The following SDCCAG8 variants were observed in gnomAD, a reference collection of about 807,000 sequenced individuals.
SDCCAG8 encodes SHH signaling and ciliogenesis regulator SDCCAG8.
A neutral mutation model predicts 101.8 loss-of-function variants in SDCCAG8; 74 were observed. The observed-to-expected ratio is 0.73, with a 90% CI of 0.60 to 0.88. The LOEUF (loss-of-function observed/expected upper bound fraction) is 0.88. SDCCAG8 is among the 40% of genes least tolerant of loss of function. The pLI is 0.00. For missense variants in SDCCAG8, 787 were observed against 822.6 expected, an observed-to-expected ratio of 0.96 and a Z score of 0.53; for synonymous variants, 281 against 292.9, an observed-to-expected ratio of 0.96 and a Z score of 0.41.
At chr1:243,339,920 T>G (rs965687361) in intron 10 of SDCCAG8, among the ~76,000 whole-genome samples, 1 of 152,246 alleles carries the variant, frequency 6.6e-6, no homozygotes, top group African/African-American at 2.4e-5. Context: ...CTATATGTTC[T>G]GCTGCTTCTA....
intron 7 of SDCCAG8, 99 bp downstream of exon 7, chr1:243,304,876 C>A: frequency 2.5e-6 from 2 of 791,330 alleles, no homozygotes; most frequent in East Asian, 2.6e-5. Flanking sequence ...CATTATCAGA[C>A]TTACTTGATG....
intron 16 of SDCCAG8, among the ~76,000 whole-genome samples, chr1:243,453,241 A>G (rs1463974873): frequency 6.6e-6 from 1 of 152,146 alleles, no homozygotes; most frequent in Non-Finnish European, 1.5e-5. Flanking sequence ...TCAGGTGGGC[A>G]TCTGTCTCCA....
At chr1:243,450,434 G>A (rs553413237) in intron 16 of SDCCAG8, among the ~76,000 whole-genome samples, 28 of 152,190 alleles carry the variant, frequency 1.8e-4, no homozygotes, top group Middle Eastern at 3.4e-3. Context: ...GAAAACCAGC[G>A]AAAAATACAA....
At chr1:243,484,501 C>T (rs1043426091) in intron 16 of SDCCAG8, among the ~76,000 whole-genome samples, 3 of 152,190 alleles carry the variant, frequency 2.0e-5, no homozygotes, top group Non-Finnish European at 4.4e-5. Flanking sequence ...GCTAAATAAA[C>T]AGTAAGTCTA....
chr1:243,319,526 A>G (rs1388540668), intron 9 of SDCCAG8, among the ~76,000 whole-genome samples: 1 of 152,046 alleles, frequency 6.6e-6, no homozygotes, highest in East Asian at 1.9e-4. Context: ...GGCATGCGCC[A>G]CCATGCCTGG....
chr1:243,487,352 C>T (rs1451126734), intron 16 of SDCCAG8, among the ~76,000 whole-genome samples: 3 of 152,254 alleles, frequency 2.0e-5, no homozygotes, highest in Non-Finnish European at 2.9e-5. Flanking sequence ...GCCTCAGCCC[C>T]AGCGTGATGG....
intron 16 of SDCCAG8, among the ~76,000 whole-genome samples, chr1:243,486,156 G>A (rs367927996): frequency 4.1e-5 from 5 of 122,358 alleles, no homozygotes; most frequent in Admixed American, 1.2e-4. Context: ...AGCCGAGATC[G>A]CACCATTGTA....
chr1:243,393,829 A>G (rs2078875529), intron 13 of SDCCAG8, among the ~76,000 whole-genome samples: 1 of 152,208 alleles, frequency 6.6e-6, no homozygotes, highest in Non-Finnish European at 1.5e-5. Context: ...CAACCATGTG[A>G]TACAGGCATT....
intron 16 of SDCCAG8, among the ~76,000 whole-genome samples, chr1:243,472,479 C>T (rs1661459188): frequency 6.6e-6 from 1 of 152,178 alleles, no homozygotes; most frequent in African/African-American, 2.4e-5. Flanking sequence ...TCCTTTCTCA[C>T]AGGCAATGAC....
intron 13 of SDCCAG8, among the ~76,000 whole-genome samples, chr1:243,388,866 T>C (rs2078501073): frequency 6.9e-6 from 1 of 145,724 alleles, no homozygotes; most frequent in Admixed American, 6.8e-5. Flanking sequence ...TACATGGTGG[T>C]GCATGCCTGA....
rs748705341 is a variant in SDCCAG8 at position 243,499,812 on chromosome 1, G to T, written c.*27G>T. On this transcript the variant is annotated 3_prime_UTR_variant, in exon 18 of 18. Coordinates refer to ENST00000366541, the MANE Select transcript of SDCCAG8 (RefSeq NM_006642.5). The stretch of plus-strand genomic sequence containing the variant: ...CTGGATGGAACAGAGTGAAATAAAT[G>T]ATTTACAAAGAGATATTTACATTCA... 1 of 1,605,292 alleles carries T rather than the reference G, an allele frequency of 6.2e-7. No individual in the cohort carries two copies. The highest frequency in any genetic ancestry group is 8.5e-7 in the Non-Finnish European group (1 of 1,172,794).
chr1:243,352,992 T>G lies in SDCCAG8; in HGVS notation c.1473+8661T>G, dbSNP rs1252689302. Among the ~76,000 whole-genome samples the G allele has an allele frequency of 2.0e-5, 3 of 152,222 alleles. No homozygotes were observed. In the East Asian group the frequency reaches 5.8e-4, roughly 29 times the overall value. On this transcript the variant is annotated intron_variant, in intron 12 of 17. Coordinates refer to ENST00000366541, the MANE Select transcript of SDCCAG8 (RefSeq NM_006642.5). The stretch of plus-strand genomic sequence containing the variant: ...CACTATGACAGATTTAGAGCCCTTT[T>G]GCCCTAAACTTCATATGTTGCTTTA...
intron 16 of SDCCAG8, among the ~76,000 whole-genome samples, chr1:243,484,568 G>A (rs879300045): frequency 2.6e-5 from 4 of 152,182 alleles, no homozygotes; most frequent in East Asian, 1.9e-4. Context: ...CTAAGCAGGC[G>A]CAAGCCCTCC....
chr1:243,417,828 G>T (rs2148017962), intron 14 of SDCCAG8, 140 bp from the exon 15 acceptor site: 1 of 676,018 alleles, frequency 1.5e-6, no homozygotes, highest in East Asian at 2.6e-5. Context: ...TAAGTCCTTT[G>T]ACTTAGGACA....
chr1:243,259,195 TG>T (rs1162595642), intron 1 of SDCCAG8, among the ~76,000 whole-genome samples: 4 of 144,286 alleles, frequency 2.8e-5, no homozygotes, highest in Non-Finnish European at 4.6e-5. Context: ...GGTCAGGAGA[TG>T]GGAGACCAGC....
At chr1:243,317,910 A>G (rs952745950) in intron 9 of SDCCAG8, 1 of 357,944 alleles carries the variant, frequency 2.8e-6, no homozygotes, top group African/African-American at 2.1e-5. Flanking sequence ...GTTGGATAGC[A>G]CTGGTCTAAA....
At chr1:243,411,102 T>A (rs994807589) in intron 13 of SDCCAG8, among the ~76,000 whole-genome samples, 1 of 152,096 alleles carries the variant, frequency 6.6e-6, no homozygotes, top group Non-Finnish European at 1.5e-5. Context: ...TCCTTTAATT[T>A]ATTTATTTTT....
chr1:243,264,818 G>T (rs1350460716), intron 1 of SDCCAG8, among the ~76,000 whole-genome samples: 2 of 152,194 alleles, frequency 1.3e-5, no homozygotes, highest in African/African-American at 4.8e-5. Context: ...TAAGTTTATA[G>T]TCAGTTCCTG....
At chr1:243,461,728 G>A (rs114365118) in intron 16 of SDCCAG8, among the ~76,000 whole-genome samples, 2,041 of 152,118 alleles carry the variant, frequency 0.013, 50 homozygotes, top group African/African-American at 0.047. Flanking sequence ...CTATTGGTGC[G>A]TCTAAATGTA....
Sources: allele counts gnomAD v4.1 joint callset (sites outside exome capture counted in the v4.1 genomes callset), GRCh38; gene constraint gnomAD v4.1.1; transcripts MANE v1.5; gene names NCBI Gene and HGNC (gene_info 2026-07-23, HGNC 2026-07-21).